The following UVRAG variants were observed in gnomAD, a reference collection of about 807,000 sequenced individuals.
UVRAG encodes UV radiation resistance associated, also known as UV radiation resistance-associated gene protein.
A neutral mutation model predicts 78.0 loss-of-function variants in UVRAG; 19 were observed. That is an observed-to-expected ratio of 0.24 (90% CI 0.17 to 0.36). UVRAG has a LOEUF of 0.36. Among genes scored for constraint, UVRAG ranks in the 10% least tolerant of loss-of-function variants. The probability of loss-of-function intolerance (pLI) is 1.00; values close to 1 mark genes in which losing one functional copy is unlikely to be tolerated. For missense variants in UVRAG, 740 were observed against 853.8 expected (o/e 0.87, Z 1.66); for synonymous variants, 323 against 324.6 (o/e 1.00, Z 0.05).
At position 75,930,392 on chromosome 11, in the gene UVRAG, T is replaced by C. The variant is rs140198666; in HGVS notation, c.593+18353T>C. Reference sequence around the variant, plus strand: ...AAGGGCCATGTAATTCTAACACTTCTTGAAACATTGGAGCTGAAAAGTAAG... The same window carrying C: ...AAGGGCCATGTAATTCTAACACTTCCTGAAACATTGGAGCTGAAAAGTAAG... On this transcript the variant is annotated intron_variant, in intron 6 of 14. Transcript: ENST00000356136. Among the ~76,000 whole-genome samples the C allele has an allele frequency of 6.6e-5, 10 of 152,346 alleles. No homozygotes were observed. The East Asian group carries it at 1.9e-3, about 29-fold the overall frequency.
chr11:76,137,555 A>G (rs1952621527), intron 14 of UVRAG: 1 of 430,360 alleles, frequency 2.3e-6, no homozygotes, highest in East Asian at 7.0e-5. Context: ...AGATATGTAG[A>G]CTTCTTTATT....
At chr11:76,043,820 T>C (rs1202190238) in intron 12 of UVRAG, among the ~76,000 whole-genome samples, 1 of 152,194 alleles carries the variant, frequency 6.6e-6, no homozygotes, top group Non-Finnish European at 1.5e-5. Context: ...AGTCTTTGGT[T>C]AAAAATACAC....
chr11:75,835,733 GA>G (rs978643022), intron 1 of UVRAG, among the ~76,000 whole-genome samples: 1 of 152,170 alleles, frequency 6.6e-6, no homozygotes, highest in African/African-American at 2.4e-5. Flanking sequence ...CACAGATTTA[GA>G]ATTCATCTCT....
chr11:75,907,007 A>G lies in UVRAG; in HGVS notation c.508-4947A>G, dbSNP rs1947629960. On this transcript the variant is annotated intron_variant, in intron 5 of 14. Transcript: ENST00000356136. Reference sequence around the variant, plus strand: ...TAATTTTGGCTATTGACCCCTTGCAATTCCATATGAATTTGAGAACTGGCT... The same window carrying G: ...TAATTTTGGCTATTGACCCCTTGCAGTTCCATATGAATTTGAGAACTGGCT... Among the ~76,000 whole-genome samples, 3 of 152,174 alleles carry G rather than the reference A, an allele frequency of 2.0e-5. No homozygotes were observed. In the South Asian group the frequency reaches 6.2e-4, roughly 32 times the overall value.
chr11:76,138,916 G>A (rs1202605077), intron 14 of UVRAG, among the ~76,000 whole-genome samples: 2 of 152,188 alleles, frequency 1.3e-5, no homozygotes, highest in Non-Finnish European at 2.9e-5. Flanking sequence ...TAAAAACAAG[G>A]CTTGCAAAAA....
At chr11:75,938,829 T>C (rs1252470075) in intron 6 of UVRAG, among the ~76,000 whole-genome samples, 1 of 152,198 alleles carries the variant, frequency 6.6e-6, no homozygotes, top group Non-Finnish European at 1.5e-5. Context: ...GTTCTCTGTG[T>C]GCAGTTCTGT....
intron 6 of UVRAG, among the ~76,000 whole-genome samples, chr11:75,950,544 G>A (rs779257512): frequency 7.9e-5 from 12 of 152,074 alleles, no homozygotes; most frequent in Non-Finnish European, 1.3e-4. Context: ...ATGAGCCACC[G>A]CACCCAGCCC....
chr11:75,889,706 A>G (rs1361038353), intron 5 of UVRAG, among the ~76,000 whole-genome samples: 1 of 152,214 alleles, frequency 6.6e-6, no homozygotes, highest in African/African-American at 2.4e-5. Flanking sequence ...CGCCTGCTGT[A>G]TGTCAGCCAC....
At chr11:75,999,395 T>G (rs1285078728) in intron 8 of UVRAG, among the ~76,000 whole-genome samples, 1 of 152,004 alleles carries the variant, frequency 6.6e-6, no homozygotes, top group African/African-American at 2.4e-5. Context: ...TATTTGTTTG[T>G]TTTTTGAGAC....
intron 8 of UVRAG, among the ~76,000 whole-genome samples, chr11:75,990,947 A>G (rs374972860): frequency 6.6e-6 from 1 of 152,206 alleles, no homozygotes; most frequent in Admixed American, 6.5e-5. Flanking sequence ...TATTGGTGTC[A>G]TGTCATGGGT....
At chr11:76,100,976 A>G (rs920312344) in intron 13 of UVRAG, among the ~76,000 whole-genome samples, 1 of 152,272 alleles carries the variant, frequency 6.6e-6, no homozygotes, top group African/African-American at 2.4e-5. Flanking sequence ...TCCATGGTGT[A>G]TATGTACCAC....
At chr11:75,971,475 C>T (rs561508166) in intron 7 of UVRAG, among the ~76,000 whole-genome samples, 1 of 152,144 alleles carries the variant, frequency 6.6e-6, no homozygotes, top group Non-Finnish European at 1.5e-5. Flanking sequence ...AATGACAGTT[C>T]GTGTTGTTCC....
chr11:75,974,182 C>T (rs372542552), intron 7 of UVRAG, among the ~76,000 whole-genome samples: 40 of 152,150 alleles, frequency 2.6e-4, no homozygotes, highest in East Asian at 1.5e-3. Flanking sequence ...AGTGTAAAAG[C>T]GTTCCTATTT....
intron 11 of UVRAG, 41 bp from the exon 12 acceptor site, chr11:76,016,774 G>T: frequency 6.6e-7 from 1 of 1,516,956 alleles, no homozygotes; most frequent in Non-Finnish European, 8.9e-7. Flanking sequence ...TATTTATAAG[G>T]TAAATAGTTA....
At chr11:75,873,924 C>T (rs149581822) in intron 3 of UVRAG, among the ~76,000 whole-genome samples, 51 of 152,312 alleles carry the variant, frequency 3.3e-4, no homozygotes, top group African/African-American at 9.4e-4. Flanking sequence ...TCAGCGTCCT[C>T]GGTGGACAGT....
chr11:76,003,288 T>TTTTTTTG (rs1491521163), intron 8 of UVRAG, among the ~76,000 whole-genome samples: 5 of 62,472 alleles, frequency 8.0e-5, no homozygotes, highest in African/African-American at 3.0e-4. Context: ...TTTTTTTTTT[T>TTTTTTTG]GGAGACAGAG....
At chr11:76,042,515 G>T (rs1428038087) in intron 12 of UVRAG, among the ~76,000 whole-genome samples, 2 of 152,098 alleles carry the variant, frequency 1.3e-5, no homozygotes, top group African/African-American at 2.4e-5. Flanking sequence ...GTGGAAAGTG[G>T]GTTCCAGTCT....
At position 75,949,714 on chromosome 11, in the gene UVRAG, T is replaced by TACACACACACAC. The variant is rs1555093473; in HGVS notation, c.594-11724_594-11713dup. On this transcript the variant is annotated intron_variant, in intron 6 of 14. Coordinates refer to ENST00000356136, the MANE Select transcript of UVRAG (RefSeq NM_003369.4). ...ATACATATATATATATATATATATA[T>TACACACACACAC]ACACACACACACACACATATACACA... Among the ~76,000 whole-genome samples, 552 of 136,870 alleles carry TACACACACACAC rather than the reference T, an allele frequency of 4.0e-3. 4 individuals are homozygous for TACACACACACAC. The highest frequency in any genetic ancestry group is 0.015 in the African/African-American group (528 of 34,540). The allele number at this position is 136,870 out of a possible 152,430, so 89.8% of individuals were successfully genotyped here. A position where few individuals can be genotyped will look rare whatever the true frequency, so the allele number is the denominator to read the frequency against.
chr11:76,081,938 C>CAAA (rs775703377), intron 13 of UVRAG, among the ~76,000 whole-genome samples: 15 of 69,684 alleles, frequency 2.2e-4, no homozygotes, highest in African/African-American at 6.1e-4. Context: ...AGAACCAAAG[C>CAAA]AAAAAAAAAA....
Sources: gnomAD v4.1 joint callset for allele counts (sites outside exome capture counted in the v4.1 genomes callset) on GRCh38, gnomAD v4.1.1 for gene constraint, MANE v1.5 for transcripts, NCBI Gene and HGNC (gene_info 2026-07-23, HGNC 2026-07-21) for gene names.